TEX2: variants seen among roughly 807,000 people sequenced by gnomAD.
TEX2 encodes the protein testis expressed 2.
A neutral mutation model predicts 106.9 loss-of-function variants in TEX2; 53 were observed. The ratio of observed to expected loss-of-function variants is 0.50; its 90% CI spans 0.40 to 0.62. TEX2 has a LOEUF of 0.62. Ranked by LOEUF, TEX2 falls within the 20% of genes least tolerant of loss-of-function variation. TEX2 has a pLI of 0.00. For missense variants in TEX2, 1,207 were observed against 1,379.0 expected, an observed-to-expected ratio of 0.88 and a Z score of 1.98; for synonymous variants, 523 against 534.8, an observed-to-expected ratio of 0.98 and a Z score of 0.30.
intron 8 of TEX2, among the ~76,000 whole-genome samples, chr17:64,158,614 C>T (rs1008554823): frequency 4.6e-5 from 7 of 152,224 alleles, no homozygotes; most frequent in African/African-American, 9.6e-5. Context: ...AACCTCATGA[C>T]TGAGGAAGTG....
intron 2 of TEX2, among the ~76,000 whole-genome samples, chr17:64,208,649 G>A (rs1034226856): frequency 6.6e-6 from 1 of 151,896 alleles, no homozygotes; most frequent in Admixed American, 6.6e-5. Context: ...TTTAGAGACA[G>A]AGTCTCATTC....
chr17:64,236,486 C>T (rs2033770720), intron 1 of TEX2, among the ~76,000 whole-genome samples: 2 of 152,216 alleles, frequency 1.3e-5, no homozygotes, highest in African/African-American at 4.8e-5. Context: ...ATCACCTGAG[C>T]CCAGGTTGAC....
At chr17:64,228,184 A>T (rs145070256) in intron 1 of TEX2, among the ~76,000 whole-genome samples, 108 of 152,310 alleles carry the variant, frequency 7.1e-4, no homozygotes, top group African/African-American at 2.3e-3. Flanking sequence ...TTTCAAACTC[A>T]TTGAAAAAAA....
intron 6 of TEX2, among the ~76,000 whole-genome samples, chr17:64,173,911 T>C (rs2031514911): frequency 6.6e-6 from 1 of 151,894 alleles, no homozygotes; most frequent in South Asian, 2.1e-4. Context: ...AGTGGTGCAA[T>C]CATGGCTCAC....
intron 1 of TEX2, among the ~76,000 whole-genome samples, chr17:64,223,713 C>CTTTTTT (rs34897234): frequency 2.7e-5 from 3 of 110,764 alleles, no homozygotes; most frequent in East Asian, 2.7e-4. Flanking sequence ...AACAGAGCAT[C>CTTTTTT]TTTTTTTTTT....
chr17:64,238,066 C>A (rs935854562), intron 1 of TEX2, among the ~76,000 whole-genome samples: 1 of 152,126 alleles, frequency 6.6e-6, no homozygotes, highest in African/African-American at 2.4e-5. Context: ...CTTTGGGAGG[C>A]CGAGGTGGGA....
intron 6 of TEX2, among the ~76,000 whole-genome samples, chr17:64,176,439 T>C (rs2031620529): frequency 6.6e-6 from 1 of 152,220 alleles, no homozygotes; most frequent in Non-Finnish European, 1.5e-5. Context: ...AAGGATATCA[T>C]AGGCTTCTGC....
At chr17:64,229,228 T>C (rs1369241802) in intron 1 of TEX2, among the ~76,000 whole-genome samples, 1 of 152,238 alleles carries the variant, frequency 6.6e-6, no homozygotes, top group African/African-American at 2.4e-5. Flanking sequence ...ATTAACATTG[T>C]ATAAAATGTC....
chr17:64,154,425 C>T (rs1010554215), intron 9 of TEX2, among the ~76,000 whole-genome samples: 3 of 152,326 alleles, frequency 2.0e-5, no homozygotes, highest in East Asian at 1.9e-4. Flanking sequence ...TTTCAAAACT[C>T]GCCAAAGAAA....
Position 64,155,113 on chromosome 17 carries a change from C to A in TEX2, c.2805-146G>T, listed in dbSNP as rs188910228. 662 of 1,045,868 alleles carry A rather than the reference C, an allele frequency of 6.3e-4. 5 individuals carry two copies. The Admixed American group carries it at 0.019, about 30-fold the overall frequency. 64.8% of individuals were successfully genotyped at this position (1,045,868 alleles called of 1,614,324 possible). A position where few individuals can be genotyped will look rare whatever the true frequency, so the allele number is the denominator to read the frequency against. On this transcript the variant is annotated intron_variant, in intron 8 of 11. Coordinates refer to ENST00000584379, the MANE Select transcript of TEX2 (RefSeq NM_001288732.2). ...ACATCTCGTCATTCTCTCCAACCCA[C>A]CCAAACCAGAAGAGGCCCAATCCAA...
At position 64,172,129 on chromosome 17, in the gene TEX2, C is replaced by T. The variant is rs541765387; in HGVS notation, c.2572-930G>A. ...CAGCACTTTGGGAGGCCGAGGTGGG[C>T]GGATCACGAGGTCAAGAGATTGAGA... On this transcript the variant is annotated intron_variant, in intron 6 of 11. Coordinates refer to ENST00000584379, the MANE Select transcript of TEX2 (RefSeq NM_001288732.2). Among the ~76,000 whole-genome samples, 5 of 152,022 alleles carry T rather than the reference C, an allele frequency of 3.3e-5. No homozygotes were observed. The East Asian group carries it at 7.7e-4, about 24-fold the overall frequency.
At chr17:64,164,839 C>A (rs950804912) in intron 7 of TEX2, among the ~76,000 whole-genome samples, 7 of 152,246 alleles carry the variant, frequency 4.6e-5, no homozygotes, top group Non-Finnish European at 7.3e-5. Flanking sequence ...CTTCTGCCTT[C>A]GGCCTGGTTT....
intron 5 of TEX2, among the ~76,000 whole-genome samples, chr17:64,186,518 T>C (rs1567926182): frequency 6.6e-6 from 1 of 152,122 alleles, no homozygotes; most frequent in Non-Finnish European, 1.5e-5. Context: ...ACATGGTCAT[T>C]GTAAGAGGTC....
chr17:64,162,661 T>C (rs1209116243), intron 7 of TEX2, among the ~76,000 whole-genome samples: 1 of 152,134 alleles, frequency 6.6e-6, no homozygotes, highest in African/African-American at 2.4e-5. Flanking sequence ...TACCAAATGA[T>C]GTGTGGTCCA....
intron 1 of TEX2, among the ~76,000 whole-genome samples, chr17:64,215,868 C>T (rs1300498681): frequency 6.6e-6 from 1 of 152,126 alleles, no homozygotes; most frequent in African/African-American, 2.4e-5. Context: ...ATATTACCAA[C>T]AAGAGAAATC....
chr17:64,196,531 A>G (rs1555629320), intron 2 of TEX2, among the ~76,000 whole-genome samples: 1 of 152,130 alleles, frequency 6.6e-6, no homozygotes, highest in Non-Finnish European at 1.5e-5. Flanking sequence ...GCATCTATTC[A>G]ACAATATTGA....
In TEX2 at chr17:64,234,925, A is replaced by C. The variant is rs2143345986; in HGVS notation, c.-25-20683T>G. 1.3e-5 allele frequency among the ~76,000 whole-genome samples: 2 copies of C among 152,172 alleles called. 1 individual carries two copies. Among genetic ancestry groups the C allele is most frequent in the Admixed American group, 1.3e-4 (2 of 15,270 alleles). On this transcript the variant is annotated intron_variant, in intron 1 of 11. Coordinates refer to ENST00000584379, the MANE Select transcript of TEX2 (RefSeq NM_001288732.2). ...TTCCTCCAAAAACATTATGATTGCCATTTTAATTTCTGTGGTTAAAGAACA... is the reference window on the plus strand; with the variant it reads ...TTCCTCCAAAAACATTATGATTGCCCTTTTAATTTCTGTGGTTAAAGAACA...
chr17:64,246,572 G>GC (rs1472511719), intron 1 of TEX2, among the ~76,000 whole-genome samples: 1 of 152,010 alleles, frequency 6.6e-6, no homozygotes, highest in Non-Finnish European at 1.5e-5. Flanking sequence ...ATATTGGGCT[G>GC]CCCCCTAGAA....
At chr17:64,175,486 C>G (rs2031582406) in intron 6 of TEX2, among the ~76,000 whole-genome samples, 1 of 152,328 alleles carries the variant, frequency 6.6e-6, no homozygotes, top group South Asian at 2.1e-4. Context: ...TCAACTTTCT[C>G]CAGGAGGACG....
Sources: gnomAD v4.1 joint callset for allele counts (sites outside exome capture counted in the v4.1 genomes callset) on GRCh38, gnomAD v4.1.1 for gene constraint, MANE v1.5 for transcripts, NCBI Gene and HGNC (gene_info 2026-07-23, HGNC 2026-07-21) for gene names.